Variants in RAD51B observed in about 807,000 individuals in gnomAD.
RAD51B encodes DNA repair protein RAD51 homolog 2.
RAD51B carries 38 observed loss-of-function variants against 42.2 expected under a neutral mutation model. The ratio of observed to expected loss-of-function variants is 0.90; its 90% confidence interval spans 0.70 to 1.18. The LOEUF (loss-of-function observed/expected upper bound fraction) is 1.18. Among genes scored for constraint, RAD51B ranks in the 50% most tolerant of loss-of-function variants. RAD51B has a pLI of 0.00. For synonymous variants in RAD51B, 154 were observed against 145.2 expected (o/e 1.06, Z -0.43); for missense variants, 373 against 400.7 (o/e 0.93, Z 0.59).
intron 7 of RAD51B, among the ~76,000 whole-genome samples, chr14:68,229,269 G>GT (rs1191551711): frequency 6.6e-6 from 1 of 152,172 alleles, no homozygotes; most frequent in Non-Finnish European, 1.5e-5. Flanking sequence ...AAGCTAACAT[G>GT]TTTTTGATAG....
chr14:68,424,219 AAAGTCACTTTTCC>A (rs1276984961), intron 9 of RAD51B, among the ~76,000 whole-genome samples: 2 of 152,136 alleles, frequency 1.3e-5, no homozygotes, highest in East Asian at 3.8e-4. Flanking sequence ...TTTTCCTTGC[AAAGTCACTTTTCC>A]ACATACTAAT....
intron 7 of RAD51B, among the ~76,000 whole-genome samples, chr14:67,887,806 G>A (rs1185117257): frequency 6.6e-6 from 1 of 152,164 alleles, no homozygotes; most frequent in Non-Finnish European, 1.5e-5. Context: ...ATTGTGATCA[G>A]AAATCTGAAG....
At chr14:68,383,275 G>A (rs1263444648) in intron 8 of RAD51B, among the ~76,000 whole-genome samples, 1 of 152,174 alleles carries the variant, frequency 6.6e-6, no homozygotes, top group Non-Finnish European at 1.5e-5. Flanking sequence ...GTGTACCAGT[G>A]TACCAGTTGT....
At chr14:68,300,410 A>G (rs931256396) in intron 8 of RAD51B, among the ~76,000 whole-genome samples, 1 of 151,820 alleles carries the variant, frequency 6.6e-6, no homozygotes, top group African/African-American at 2.4e-5. Flanking sequence ...GGGTCTTGCT[A>G]TCCTGCCCAG....
intron 8 of RAD51B, among the ~76,000 whole-genome samples, chr14:68,410,872 G>A (rs916346110): frequency 1.3e-5 from 2 of 152,106 alleles, no homozygotes; most frequent in African/African-American, 2.4e-5. Context: ...TCTTGGAATA[G>A]GGATGTCTAA....
At chr14:68,014,695 A>AAAATAAAT (rs199800534) in intron 7 of RAD51B, among the ~76,000 whole-genome samples, 2,815 of 150,486 alleles carry the variant, frequency 0.019, 70 homozygotes, top group African/African-American at 0.055. Context: ...AGGATCAGTA[A>AAAATAAAT]AAATAAATAA....
intron 7 of RAD51B, among the ~76,000 whole-genome samples, chr14:68,023,024 C>T (rs2075892958): frequency 6.6e-6 from 1 of 152,116 alleles, no homozygotes; most frequent in Admixed American, 6.5e-5. Context: ...GGTATATATG[C>T]ACCCCATTTT....
chr14:67,886,699 C>A (rs1489605873), intron 6 of RAD51B: 2 of 258,372 alleles, frequency 7.7e-6, no homozygotes, highest in Non-Finnish European at 1.5e-5. Context: ...GGGACCTATA[C>A]AAGGATGCAA....
chr14:68,207,620 G>T (rs1340330182), intron 7 of RAD51B, among the ~76,000 whole-genome samples: 1 of 152,124 alleles, frequency 6.6e-6, no homozygotes, highest in Non-Finnish European at 1.5e-5. Flanking sequence ...GTTATGGTAG[G>T]AGAAGGAGAT....
At chr14:68,280,258 TTTTC>T (rs2081296337) in intron 7 of RAD51B, among the ~76,000 whole-genome samples, 1 of 152,220 alleles carries the variant, frequency 6.6e-6, no homozygotes, top group East Asian at 1.9e-4. Context: ...TTGTACAGTT[TTTTC>T]TTTATGAATG....
intron 4 of RAD51B, among the ~76,000 whole-genome samples, chr14:67,847,326 CTTTTTTTTTTTT>C (rs60032578): frequency 7.6e-5 from 8 of 105,646 alleles, no homozygotes; most frequent in South Asian, 3.1e-4. Flanking sequence ...TTGGTTTGTT[CTTTTTTTTTTTT>C]TTTTTTTTTT....
chr14:68,336,012 G>C (rs1009650315), intron 8 of RAD51B, among the ~76,000 whole-genome samples: 1 of 152,172 alleles, frequency 6.6e-6, no homozygotes, highest in Non-Finnish European at 1.5e-5. Context: ...ACTTCCAGCT[G>C]TTTTATCTTG....
At chr14:68,620,296 C>T (rs1891918760) in intron 10 of RAD51B, among the ~76,000 whole-genome samples, 1 of 152,166 alleles carries the variant, frequency 6.6e-6, no homozygotes, top group South Asian at 2.1e-4. Context: ...TCAGCAGACG[C>T]CTGAGATAGT....
chr14:68,481,156 G>A (rs559619669), downstream of RAD51B, among the ~76,000 whole-genome samples: 1 of 152,086 alleles, frequency 6.6e-6, no homozygotes, highest in Non-Finnish European at 1.5e-5. Context: ...TTCTTGTAGT[G>A]CTCTCAGCCA....
intron 7 of RAD51B, among the ~76,000 whole-genome samples, chr14:67,985,004 G>T (rs1227867092): frequency 2.6e-5 from 4 of 152,178 alleles, no homozygotes; most frequent in Non-Finnish European, 5.9e-5. Flanking sequence ...CGATCTAATT[G>T]TCAGGTCTGT....
At chr14:68,190,348 G>T (rs936551214) in intron 7 of RAD51B, among the ~76,000 whole-genome samples, 2 of 152,118 alleles carry the variant, frequency 1.3e-5, no homozygotes, top group Non-Finnish European at 2.9e-5. Flanking sequence ...TATTGATTCA[G>T]ATTTTAAATT....
At chr14:68,547,188 T>C (rs540742786) in intron 10 of RAD51B, among the ~76,000 whole-genome samples, 3 of 152,210 alleles carry the variant, frequency 2.0e-5, no homozygotes, top group Non-Finnish European at 4.4e-5. Flanking sequence ...TGCAGGTGGC[T>C]TCTGGCTCTA....
intron 7 of RAD51B, among the ~76,000 whole-genome samples, chr14:68,180,118 A>G (rs2079035429): frequency 2.6e-5 from 4 of 152,154 alleles, no homozygotes; most frequent in Admixed American, 2.6e-4. Flanking sequence ...AGCATTGCCT[A>G]GTTCCATAAG....
chr14:68,653,237 C>T (rs1892737725), intron 11 of RAD51B, among the ~76,000 whole-genome samples: 1 of 152,204 alleles, frequency 6.6e-6, no homozygotes, highest in Non-Finnish European at 1.5e-5. Context: ...CCTGTAGTTT[C>T]AGCTACTCAG....
Sources: gnomAD v4.1 joint callset for allele counts (sites outside exome capture counted in the v4.1 genomes callset) on GRCh38, gnomAD v4.1.1 for gene constraint, MANE v1.5 for transcripts, NCBI Gene and HGNC (gene_info 2026-07-23, HGNC 2026-07-21) for gene names.